The following SLC25A44 variants were observed in gnomAD, a reference collection of about 807,000 sequenced individuals.
SLC25A44 encodes the protein solute carrier family 25, member 44.
Under a neutral mutation model 29.9 loss-of-function variants are expected in SLC25A44, and 17 were observed. The observed-to-expected ratio is 0.57, with a 90% CI of 0.39 to 0.85. The LOEUF (loss-of-function observed/expected upper bound fraction) is 0.85. Among genes scored for constraint, SLC25A44 ranks in the 40% least tolerant of loss-of-function variants. The pLI is 0.00. For synonymous variants in SLC25A44, 140 were observed against 151.8 expected (o/e 0.92, Z 0.57); for missense variants, 302 against 398.4 (o/e 0.76, Z 2.06).
chr1:156,200,531 C>G (rs1049674487), intron 2 of SLC25A44, 59 bp downstream of exon 2: 164 of 1,477,052 alleles, frequency 1.1e-4, no homozygotes, highest in Non-Finnish European at 2.6e-5. Context: ...GGCTGAGATA[C>G]TGTTGCTTTG....
chr1:156,200,397 C>T lies in SLC25A44; in HGVS notation c.550C>T (p.Arg184Ter), dbSNP rs373200308. Residue 184 changes from arginine (R) to a stop codon, truncating the protein, a stop_gained, in exon 2 of 4, where the codon CGA becomes TGA. Coordinates refer to ENST00000359511, the MANE Select transcript of SLC25A44 (RefSeq NM_014655.4). LOFTEE classifies it high-confidence loss of function. ...GGCTGATGGACTTCGCGGCTTCTATCGAGGCTATGTGGCTTCACTGCTTAC... is the reference window on the plus strand; with the variant it reads ...GGCTGATGGACTTCGCGGCTTCTATTGAGGCTATGTGGCTTCACTGCTTAC... ...LQADGLRGFY[R>*]GYVASLLTYI... The T allele has an allele frequency of 6.8e-6, 11 of 1,613,886 alleles. No individual in the cohort carries two copies. The highest frequency in any genetic ancestry group is 8.5e-6 in the Non-Finnish European group (10 of 1,180,040).
rs1657321612 is a variant in SLC25A44, at chr1:156,211,519, AC to A, written c.*1089del. ...ATAAATACCCCAATCACTCAGACTT[AC>A]GGCAACAAGTGTTGTCTCACTATGG... On this transcript the variant is annotated 3_prime_UTR_variant, in exon 4 of 4. Coordinates refer to ENST00000359511, the MANE Select transcript of SLC25A44 (RefSeq NM_014655.4). 6.6e-6 allele frequency: 1 copy of A among 152,540 alleles called. No homozygotes were observed. Among genetic ancestry groups the A allele is most frequent in the Non-Finnish European group, 1.5e-5 (1 of 68,046 alleles). 9.4% of individuals were successfully genotyped at this position (152,540 alleles called of 1,614,324 possible).
chr1:156,210,407 G>C lies in SLC25A44; in HGVS notation c.921G>C (p.Glu307Asp). ...TCAAGAAACTCAGCCTCCGACCTGA[G>C]CTGGTGGACTCGAGACACTGGTAAC... ...ESLKKLSLRPELVDSRHW is the reference protein window; with the variant it reads ...ESLKKLSLRPDLVDSRHW The change falls in exon 4 of 4, where the codon GAG becomes GAC. Residue 307 changes from glutamate (E) to aspartate (D), a missense_variant. Coordinates refer to ENST00000359511, the MANE Select transcript of SLC25A44 (RefSeq NM_014655.4). 1.3e-6 allele frequency: 2 copies of C among 1,591,384 alleles called. No individual in the cohort carries two copies. The highest frequency in any genetic ancestry group is 1.7e-6 in the Non-Finnish European group (2 of 1,169,780).
intron 3 of SLC25A44, 81 bp from the exon 4 acceptor site, chr1:156,210,159 A>T (rs1462855481): frequency 5.8e-6 from 6 of 1,034,088 alleles, no homozygotes; most frequent in Non-Finnish European, 8.4e-6. Context: ...GGTTCTCCCC[A>T]CTTTAGCCTA....
intron 1 of SLC25A44, among the ~76,000 whole-genome samples, chr1:156,195,200 T>C (rs1572445490): frequency 1.3e-5 from 2 of 151,096 alleles, no homozygotes; most frequent in African/African-American, 2.4e-5. Context: ...GCCTTCCGGG[T>C]TCACACCATT....
At chr1:156,208,040 C>T (rs1420303282) in intron 3 of SLC25A44, 27 bp downstream of exon 3, 1 of 1,609,752 alleles carries the variant, frequency 6.2e-7, no homozygotes, top group Admixed American at 1.7e-5. Context: ...CCCTCACCCT[C>T]CTCCTGGAGA....
rs1459824399 is a variant in SLC25A44 at position 156,208,018 on chromosome 1, G to A, written c.753+5G>A. On this transcript the variant is annotated splice_donor_5th_base_variant and intron_variant, in intron 3 of 3. Transcript: ENST00000359511. ...GTCATACGAACCCGTGTGCAGGTAA[G>A]ACTGACCACTTCCCTCACCCTCCTC... The A allele has an allele frequency of 6.2e-7, 1 of 1,613,706 alleles. No homozygotes were observed. Among genetic ancestry groups the A allele is most frequent in the African/African-American group, 1.3e-5 (1 of 74,896 alleles).
rs151263639 is a variant in SLC25A44 at position 156,197,077 on chromosome 1, G to A, written c.-13-2758G>A. ...TAACTGTACACAAGTTAAACTGTAA[G>A]GATTACATGAGGTAGTAGTCAATCC... On this transcript the variant is annotated intron_variant, in intron 1 of 3. Transcript: ENST00000359511. 75 of 152,284 alleles carry A rather than the reference G, an allele frequency of 4.9e-4. 1 individual carries two copies. The highest frequency in any genetic ancestry group is 1.8e-3 in the African/African-American group (74 of 41,548). 9.4% of individuals were successfully genotyped at this position (152,284 alleles called of 1,614,324 possible).
In SLC25A44 at chr1:156,200,230, T is replaced by C. The variant is rs774438682; in HGVS notation, c.383T>C (p.Val128Ala). 1.2e-6 allele frequency: 2 copies of C among 1,614,116 alleles called. No homozygotes were observed. ...TCCCTTGTGGCCCAGAGCATCACAGTGCCCATTGATGTAGTCTCCCAGCAC... is the reference window on the plus strand; with the variant it reads ...TCCCTTGTGGCCCAGAGCATCACAGCGCCCATTGATGTAGTCTCCCAGCAC... ...SASLVAQSIT[V>A]PIDVVSQHLM... Residue 128 changes from valine to alanine, a missense_variant, in exon 2 of 4, where the codon GTG becomes GCG. Val to Ala is a moderately conservative substitution (Grantham distance 64, BLOSUM62 0). Coordinates refer to ENST00000359511, the MANE Select transcript of SLC25A44 (RefSeq NM_014655.4).
Position 156,210,345 on chromosome 1 carries a change from C to T in SLC25A44, c.859C>T (p.Pro287Ser). Residue 287 changes from proline to serine, a missense_variant, in exon 4 of 4, where the codon CCT becomes TCT. By Grantham distance (74) the Pro-to-Ser change is moderately conservative. Coordinates refer to ENST00000359511, the MANE Select transcript of SLC25A44 (RefSeq NM_014655.4). ...GLSARIISAT[P>S]STIVIVVGYE... ...CTCGGCCAGAATCATCTCAGCCACA[C>T]CTTCCACCATTGTCATTGTGGTGGG... 6.2e-7 allele frequency: 1 copy of T among 1,609,186 alleles called. No individual in the cohort carries two copies. Among genetic ancestry groups the T allele is most frequent in the Middle Eastern group, 1.7e-4 (1 of 6,040 alleles).
At chr1:156,207,756 T>C (rs939527338) in intron 2 of SLC25A44, 130 bp from the exon 3 acceptor site, 1 of 868,402 alleles carries the variant, frequency 1.2e-6, no homozygotes. Flanking sequence ...AAATAAAAGA[T>C]AGGACTTAGG....
intron 2 of SLC25A44, among the ~76,000 whole-genome samples, chr1:156,201,029 TTTCAC>T (rs1656544526): frequency 1.3e-5 from 2 of 151,666 alleles, no homozygotes; most frequent in Non-Finnish European, 2.9e-5. Flanking sequence ...AGAGATGGGG[TTTCAC>T]CATGTTGGTC....
At chr1:156,206,383 G>T (rs1158069611) in intron 2 of SLC25A44, among the ~76,000 whole-genome samples, 1 of 151,978 alleles carries the variant, frequency 6.6e-6, no homozygotes, top group African/African-American at 2.4e-5. Flanking sequence ...GATTACAGGT[G>T]TGCACCACCA....
intron 2 of SLC25A44, among the ~76,000 whole-genome samples, chr1:156,207,255 G>A (rs1429652252): frequency 6.6e-6 from 1 of 150,520 alleles, no homozygotes; most frequent in Non-Finnish European, 1.5e-5. Context: ...TTGGCTCACT[G>A]CAAACTCCGC....
At chr1:156,196,720 C>G (rs1438273394) in intron 1 of SLC25A44, 1 of 152,248 alleles carries the variant, frequency 6.6e-6, no homozygotes, top group East Asian at 1.9e-4. Context: ...GGTCAGTCCA[C>G]AGACACACTA....
At chr1:156,204,455 A>G (rs1282211045) in intron 2 of SLC25A44, among the ~76,000 whole-genome samples, 1 of 152,194 alleles carries the variant, frequency 6.6e-6, no homozygotes, top group African/African-American at 2.4e-5. Context: ...AGGCCCAAGG[A>G]GGCAGGCAGT....
intron 1 of SLC25A44, among the ~76,000 whole-genome samples, chr1:156,194,476 G>T (rs894251077): frequency 6.6e-6 from 1 of 152,196 alleles, no homozygotes. Context: ...GTGTGCGGGG[G>T]CCAGGACAGA....
At chr1:156,206,118 C>T (rs1399019860) in intron 2 of SLC25A44, among the ~76,000 whole-genome samples, 3 of 151,966 alleles carry the variant, frequency 2.0e-5, no homozygotes, top group Admixed American at 1.3e-4. Flanking sequence ...TTAAAACATG[C>T]ACATGTTTCA....
rs1435290127 is a variant in SLC25A44, at chr1:156,198,432, AC to A, written c.-13-1402del. On this transcript the variant is annotated intron_variant, in intron 1 of 3. Transcript: ENST00000359511. This position sits in a 1 kb window ranked among gnomAD's most constrained non-coding sequence, Gnocchi z 4.1. ...ATGAGGGCTACATGTGCATCAACAT[AC>A]TCTGGTTTCCTTCCCTCTGTATCTT... The A allele has an allele frequency of 6.6e-6, 1 of 150,940 alleles. No individual in the cohort carries two copies. The highest frequency in any genetic ancestry group is 2.4e-5 in the African/African-American group (1 of 40,962). 9.4% of individuals were successfully genotyped at this position (150,940 alleles called of 1,614,324 possible). A position where few individuals can be genotyped will look rare whatever the true frequency, so the allele number is the denominator to read the frequency against.
Sources: gnomAD v4.1 joint callset for allele counts (sites outside exome capture counted in the v4.1 genomes callset) on GRCh38, gnomAD v4.1.1 for gene constraint, Gnocchi (gnomAD v3.1) non-coding constraint, MANE v1.5 for transcripts, NCBI Gene and HGNC (gene_info 2026-07-23, HGNC 2026-07-21) for gene names.